UGT1A9: variants seen among roughly 807,000 people sequenced by gnomAD.
UGT1A9 encodes the protein UDP glucuronosyltransferase family 1 member A9, also known as UDP-glucuronosyltransferase 1A9.
Under a neutral mutation model 45.0 loss-of-function variants are expected in UGT1A9, and 35 were observed. The ratio of observed to expected loss-of-function variants is 0.78; its 90% CI spans 0.59 to 1.03. The LOEUF is 1.03. Ranked by LOEUF, UGT1A9 falls within the 50% of genes least tolerant of loss-of-function variation. UGT1A9 has a pLI of 0.00. For missense variants in UGT1A9, 687 were observed against 666.6 expected (o/e 1.03, Z -0.34); for synonymous variants, 278 against 250.6 (o/e 1.11, Z -1.03).
intron 1 of UGT1A9, among the ~76,000 whole-genome samples, chr2:233,674,706 A>T (rs2074293686): frequency 6.6e-6 from 1 of 152,220 alleles, no homozygotes; most frequent in Admixed American, 6.5e-5. Context: ...TGGATGTATG[A>T]AAGTTTTTAT....
At chr2:233,737,925 G>A (rs1188589801) in intron 1 of UGT1A9, among the ~76,000 whole-genome samples, 1 of 152,078 alleles carries the variant, frequency 6.6e-6, no homozygotes, top group African/African-American at 2.4e-5. Context: ...AGTGTATTTA[G>A]TAGTGAGTCC....
At chr2:233,674,162 A>G (rs1214639347) in intron 1 of UGT1A9, among the ~76,000 whole-genome samples, 1 of 152,214 alleles carries the variant, frequency 6.6e-6, no homozygotes, top group Non-Finnish European at 1.5e-5. Context: ...TTGGTAACAC[A>G]GTCATATTCT....
At chr2:233,701,809 A>T (rs552807305) in intron 1 of UGT1A9, among the ~76,000 whole-genome samples, 1 of 152,348 alleles carries the variant, frequency 6.6e-6, no homozygotes, top group South Asian at 2.1e-4. Flanking sequence ...GAACAAAGAC[A>T]CAACATACCA....
intron 1 of UGT1A9, among the ~76,000 whole-genome samples, chr2:233,720,373 A>G (rs1230236901): frequency 1.3e-5 from 2 of 152,118 alleles, no homozygotes; most frequent in Non-Finnish European, 2.9e-5. Flanking sequence ...AGGGTCTTCT[A>G]CTTGGAATGC....
At chr2:233,725,976 G>T (rs553044783) in intron 1 of UGT1A9, among the ~76,000 whole-genome samples, 1 of 152,162 alleles carries the variant, frequency 6.6e-6, no homozygotes, top group Non-Finnish European at 1.5e-5. Flanking sequence ...GAGCAGCCTG[G>T]GAAACGTGCT....
chr2:233,740,162 T>C (rs747087545), intron 1 of UGT1A9, among the ~76,000 whole-genome samples: 1 of 151,900 alleles, frequency 6.6e-6, no homozygotes, highest in Non-Finnish European at 1.5e-5. Context: ...TCCCCAGTCA[T>C]GTGGAACTGT....
intron 1 of UGT1A9, chr2:233,752,495 C>T (rs1266161924): frequency 6.6e-6 from 1 of 152,176 alleles, no homozygotes; most frequent in Non-Finnish European, 1.5e-5. Flanking sequence ...TGAGATGAGA[C>T]ATTTTAAAAA....
chr2:233,730,151 G>T (rs947267148), intron 1 of UGT1A9, among the ~76,000 whole-genome samples: 3 of 152,154 alleles, frequency 2.0e-5, no homozygotes, highest in Admixed American at 2.0e-4. Flanking sequence ...AACTGTTAAG[G>T]GGTCTCTAGT....
At chr2:233,712,884 C>T (rs1239216440) in intron 1 of UGT1A9, 1 of 1,600,688 alleles carries the variant, frequency 6.2e-7, no homozygotes, top group Non-Finnish European at 8.5e-7. Context: ...TCTTCAATTA[C>T]ATGTTGATTT....
At chr2:233,703,318 C>T (rs2075732558) in intron 1 of UGT1A9, among the ~76,000 whole-genome samples, 1 of 147,010 alleles carries the variant, frequency 6.8e-6, no homozygotes, top group Non-Finnish European at 1.5e-5. Flanking sequence ...ATATTTTTAG[C>T]AATTTTGAGT....
chr2:233,751,669 T>C (rs923739098), intron 1 of UGT1A9, among the ~76,000 whole-genome samples: 3 of 152,228 alleles, frequency 2.0e-5, no homozygotes, highest in African/African-American at 7.2e-5. Flanking sequence ...GAGTGAGTTC[T>C]AATGAGAGCT....
At position 233,768,454 on chromosome 2, in the gene UGT1A9, A is replaced by C; in HGVS notation, c.1295+15A>C. The stretch of plus-strand genomic sequence containing the variant: ...AATGACAAAAGGTAAGAAAGAAGAT[A>C]CAGAAGAATACTTTGGTCATGGCAT... On this transcript the variant is annotated intron_variant, in intron 4 of 4. Coordinates refer to ENST00000354728, the MANE Select transcript of UGT1A9 (RefSeq NM_021027.3). The C allele has an allele frequency of 6.2e-7, 1 of 1,610,684 alleles. No individual in the cohort carries two copies.
At chr2:233,750,986 G>A (rs1230774000) in intron 1 of UGT1A9, among the ~76,000 whole-genome samples, 5 of 151,784 alleles carry the variant, frequency 3.3e-5, no homozygotes, top group African/African-American at 1.2e-4. Context: ...TTGTGAGAAG[G>A]CGGCCACCAT....
intron 1 of UGT1A9, among the ~76,000 whole-genome samples, chr2:233,739,983 A>G (rs28900077): frequency 6.6e-6 from 1 of 151,864 alleles, no homozygotes; most frequent in Non-Finnish European, 1.5e-5. Context: ...AGTTTTCCCC[A>G]TGCTGTTCTT....
At chr2:233,771,760 C>T (rs1700368197) in intron 4 of UGT1A9, 1 of 153,596 alleles carries the variant, frequency 6.5e-6, no homozygotes, top group Non-Finnish European at 1.4e-5. Context: ...CCCTTCCTTC[C>T]TCCGTCCCTC....
intron 1 of UGT1A9, chr2:233,741,606 TTCAG>T (rs1691716014): frequency 1.3e-5 from 2 of 151,870 alleles, no homozygotes; most frequent in South Asian, 4.1e-4. Context: ...GATTTCAGAG[TTCAG>T]TGTCAGACCC....
intron 1 of UGT1A9, chr2:233,719,276 C>T (rs749630489): frequency 1.9e-6 from 3 of 1,614,118 alleles, no homozygotes; most frequent in Non-Finnish European, 2.5e-6. Flanking sequence ...TTTTAACAGA[C>T]CCCGTTAACC....
intron 1 of UGT1A9, among the ~76,000 whole-genome samples, chr2:233,734,079 A>C (rs1004495311): frequency 1.5e-4 from 23 of 152,156 alleles, no homozygotes; most frequent in African/African-American, 5.6e-4. Context: ...CACATTGTGC[A>C]CATGCACCCT....
chr2:233,734,912 C>G (rs2078584447), intron 1 of UGT1A9, among the ~76,000 whole-genome samples: 1 of 152,122 alleles, frequency 6.6e-6, no homozygotes, highest in Admixed American at 6.5e-5. Flanking sequence ...TTTACATTTG[C>G]TAAGGAGTGC....
Sources: gnomAD v4.1 joint callset for allele counts (sites outside exome capture counted in the v4.1 genomes callset) on GRCh38, gnomAD v4.1.1 for gene constraint, MANE v1.5 for transcripts, NCBI Gene and HGNC (gene_info 2026-07-23, HGNC 2026-07-21) for gene names.